Variants in GRIP1 observed in about 807,000 individuals in gnomAD.
GRIP1 encodes the protein glutamate receptor interacting protein 1.
In GRIP1, 45 loss-of-function variants were observed where a neutral mutation model predicts 129.9. That is an observed-to-expected ratio of 0.35 (90% CI 0.27 to 0.44). The LOEUF (loss-of-function observed/expected upper bound fraction) is 0.44, where lower values mean the gene tolerates loss of function less well. Ranked by LOEUF, GRIP1 falls within the 20% of genes least tolerant of loss-of-function variation. GRIP1 has a pLI of 1.00. For missense variants in GRIP1, 1,196 were observed against 1,396.8 expected, an observed-to-expected ratio of 0.86 and a Z score of 2.29; for synonymous variants, 530 against 520.8, an observed-to-expected ratio of 1.02 and a Z score of -0.24.
chr12:67,021,314 C>T (rs1032307907), intron 1 of GRIP1, among the ~76,000 whole-genome samples: 1 of 152,048 alleles, frequency 6.6e-6, no homozygotes, highest in African/African-American at 2.4e-5. Flanking sequence ...CCCCCAACAA[C>T]AACAAAAAGA....
rs12299813 is a variant in GRIP1, at chr12:66,967,425, C to G, written c.58+101625G>C. On this transcript the variant is annotated intron_variant, in intron 1 of 1. Transcript: ENST00000643019. ...AGTTTTAAATACTAAAATTATTTTA[C>G]GAAAATAAGCACAGCCATTTAAGTA... 2.4e-3 allele frequency among the ~76,000 whole-genome samples: 358 copies of G among 152,148 alleles called. 1 individual carries two copies. The highest frequency in any genetic ancestry group is 8.3e-3 in the African/African-American group (345 of 41,506).
At chr12:66,429,761 C>T (rs759425252) in intron 14 of GRIP1, among the ~76,000 whole-genome samples, 1 of 151,986 alleles carries the variant, frequency 6.6e-6, no homozygotes, top group African/African-American at 2.4e-5. Flanking sequence ...TAAATAATGA[C>T]GAAGATCATC....
intron 22 of GRIP1, among the ~76,000 whole-genome samples, chr12:66,373,095 T>TATTTATTC (rs2055604937): frequency 6.6e-6 from 1 of 152,148 alleles, no homozygotes; most frequent in African/African-American, 2.4e-5. Flanking sequence ...TTTATTTATT[T>TATTTATTC]ATTTTCTTTT....
At chr12:66,485,732 G>A (rs893861766) in intron 7 of GRIP1, among the ~76,000 whole-genome samples, 2 of 152,042 alleles carry the variant, frequency 1.3e-5, no homozygotes, top group East Asian at 3.9e-4. Context: ...TGATTCCTAT[G>A]TGTTGTGCCC....
rs539604353 is a variant in GRIP1, at chr12:67,018,770, T to C, written c.58+50280A>G. Among the ~76,000 whole-genome samples, 3 of 152,254 alleles carry C rather than the reference T, an allele frequency of 2.0e-5. No homozygotes were observed. In the South Asian group the frequency reaches 6.2e-4, roughly 32 times the overall value. On this transcript the variant is annotated intron_variant, in intron 1 of 1. Coordinates refer to the GRIP1 transcript ENST00000643019. Reference sequence around the variant, plus strand: ...TTTCTGTCTCAGCCAGTCAGCTCCATTTTGTAAAACCAATTTTAGATACTG... The same window carrying C: ...TTTCTGTCTCAGCCAGTCAGCTCCACTTTGTAAAACCAATTTTAGATACTG...
chr12:66,452,470 C>G (rs1201405640), intron 11 of GRIP1, among the ~76,000 whole-genome samples: 1 of 152,208 alleles, frequency 6.6e-6, no homozygotes, highest in Non-Finnish European at 1.5e-5. Flanking sequence ...TGTATTTCCT[C>G]TTTGATCAGT....
intron 5 of GRIP1, among the ~76,000 whole-genome samples, chr12:66,528,659 A>C (rs1411052628): frequency 6.6e-6 from 1 of 152,212 alleles, no homozygotes; most frequent in Non-Finnish European, 1.5e-5. Flanking sequence ...ATACTAATCA[A>C]CATTTTTCAG....
chr12:66,491,021 A>T (rs746565648), intron 7 of GRIP1, among the ~76,000 whole-genome samples: 1 of 152,224 alleles, frequency 6.6e-6, no homozygotes, highest in Non-Finnish European at 1.5e-5. Flanking sequence ...GGGGGTGTAA[A>T]TTAGTTCAAC....
rs541680526 is a variant in GRIP1 at position 66,758,390 on chromosome 12, C to T, written c.-420+45663G>A. Among the ~76,000 whole-genome samples, 12 of 152,006 alleles carry T rather than the reference C, an allele frequency of 7.9e-5. No homozygotes were observed. In the South Asian group the frequency reaches 1.3e-3, roughly 16 times the overall value. ...CCCGTGATTCAATTACCCCCACCCC[C>T]GGTTCTTCCTACAACACATGGGAAT... On this transcript the variant is annotated intron_variant, in intron 1 of 4. Coordinates refer to the GRIP1 transcript ENST00000538373.
chr12:66,691,554 C>T (rs961541773), intron 1 of GRIP1, among the ~76,000 whole-genome samples: 1 of 152,088 alleles, frequency 6.6e-6, no homozygotes, highest in African/African-American at 2.4e-5. Flanking sequence ...TGGTTGCCTA[C>T]GTTATCAAGC....
At chr12:66,916,318 A>G (rs905706141) in intron 1 of GRIP1, among the ~76,000 whole-genome samples, 2 of 152,202 alleles carry the variant, frequency 1.3e-5, no homozygotes, top group African/African-American at 4.8e-5. Flanking sequence ...GCCAAGCCCT[A>G]AGGGGCTGGG....
chr12:66,443,450 CT>C (rs111303748), intron 13 of GRIP1, among the ~76,000 whole-genome samples: 3,759 of 136,800 alleles, frequency 0.027, 114 homozygotes, highest in African/African-American at 0.09. Flanking sequence ...TTTTCTCTTT[CT>C]TTTTTTTTTT....
intron 1 of GRIP1, among the ~76,000 whole-genome samples, chr12:66,764,382 A>G (rs2037564065): frequency 6.6e-6 from 1 of 152,212 alleles, no homozygotes; most frequent in Non-Finnish European, 1.5e-5. Flanking sequence ...GTGCAACCTC[A>G]AGGCAACTGA....
chr12:66,938,575 T>G (rs1830738281), intron 1 of GRIP1, among the ~76,000 whole-genome samples: 1 of 152,160 alleles, frequency 6.6e-6, no homozygotes, highest in Non-Finnish European at 1.5e-5. Context: ...TTCTGCAGAT[T>G]TGATACCAGC....
At position 66,606,932 on chromosome 12, in the gene GRIP1, C is replaced by A. The variant is rs546626474; in HGVS notation, c.56-10005G>T. On this transcript the variant is annotated intron_variant, in intron 1 of 24. Transcript: ENST00000359742. ...CAAGCAAAAATGAAGCTTTAACATA[C>A]GTATCTCTCTTAGCCACCACGATAC... 2.6e-5 allele frequency among the ~76,000 whole-genome samples: 4 copies of A among 152,040 alleles called. No individual in the cohort carries two copies. In the East Asian group the frequency reaches 7.7e-4, roughly 29 times the overall value.
Position 66,636,521 on chromosome 12 carries a change from T to C in GRIP1, c.56-39594A>G, listed in dbSNP as rs374629219. ...CAAGCATCTGTTAATTGCTATGGAA[T>C]GAATTGTGTCTCCCATCCACCCTAA... On this transcript the variant is annotated intron_variant, in intron 1 of 24. Transcript: ENST00000359742. Among the ~76,000 whole-genome samples the C allele has an allele frequency of 4.6e-5, 7 of 152,284 alleles. No individual in the cohort carries two copies. In the East Asian group the frequency reaches 1.2e-3, roughly 25 times the overall value.
intron 1 of GRIP1, among the ~76,000 whole-genome samples, chr12:66,822,817 T>C (rs140406864): frequency 1.2e-3 from 178 of 151,986 alleles, no homozygotes; most frequent in African/African-American, 4.1e-3. Flanking sequence ...CACATGGACA[T>C]AAGGATGGAA....
intron 2 of GRIP1, among the ~76,000 whole-genome samples, chr12:66,557,177 T>C (rs2062364989): frequency 6.6e-6 from 1 of 150,758 alleles, no homozygotes; most frequent in African/African-American, 2.4e-5. Flanking sequence ...GAAGTAGCTA[T>C]ATTTCTATCA....
intron 1 of GRIP1, among the ~76,000 whole-genome samples, chr12:66,842,920 G>A (rs2039747216): frequency 1.3e-5 from 2 of 152,122 alleles, no homozygotes; most frequent in South Asian, 4.1e-4. Context: ...AAAAGGTATA[G>A]TCTGTAGGAC....
Sources: gnomAD v4.1 joint callset for allele counts (sites outside exome capture counted in the v4.1 genomes callset) on GRCh38, gnomAD v4.1.1 for gene constraint, MANE v1.5 for transcripts, NCBI Gene and HGNC (gene_info 2026-07-23, HGNC 2026-07-21) for gene names.